The following MYO18B variants were observed in gnomAD, a reference collection of about 807,000 sequenced individuals.
MYO18B encodes unconventional myosin-XVIIIb.
In MYO18B, 204 loss-of-function variants were observed where a neutral mutation model predicts 273.0. That is an observed-to-expected ratio of 0.75 (90% CI 0.67 to 0.84). MYO18B has a LOEUF of 0.84. Among genes scored for constraint, MYO18B ranks in the 40% least tolerant of loss-of-function variants. The pLI is 0.00. For missense variants in MYO18B, 3,212 were observed against 3,287.6 expected, an observed-to-expected ratio of 0.98 and a Z score of 0.56; for synonymous variants, 1,330 against 1,305.7, an observed-to-expected ratio of 1.02 and a Z score of -0.40.
chr22:25,746,957 T>C (rs865904052), intron 1 of MYO18B, among the ~76,000 whole-genome samples: 120 of 152,086 alleles, frequency 7.9e-4, no homozygotes, highest in African/African-American at 2.7e-3. Flanking sequence ...CCGTCTCTAC[T>C]AAAAATGCAA....
At chr22:25,887,308 G>A (rs1238738980) in intron 25 of MYO18B, among the ~76,000 whole-genome samples, 1 of 152,148 alleles carries the variant, frequency 6.6e-6, no homozygotes, top group Non-Finnish European at 1.5e-5. Context: ...CCCCAGGTGT[G>A]TCCTCCAGCA....
chr22:25,755,950 T>C (rs925572614), intron 1 of MYO18B, among the ~76,000 whole-genome samples: 6 of 151,536 alleles, frequency 4.0e-5, no homozygotes, highest in Non-Finnish European at 7.4e-5. Flanking sequence ...CAGGCTGGAG[T>C]GCAGTGGCAC....
In MYO18B at chr22:26,004,875, G is replaced by C. The variant is rs1460467958; in HGVS notation, c.6470+20G>C. On this transcript the variant is annotated intron_variant, in intron 42 of 43. Coordinates refer to ENST00000335473, the MANE Select transcript of MYO18B (RefSeq NM_032608.7). ...CCCCAGGTAAGAGTATCTCCTTGCT[G>C]CCTCTGGATGGCTAATAGCTTGAAG... The C allele has an allele frequency of 6.2e-7, 1 of 1,612,752 alleles. No individual in the cohort carries two copies.
chr22:25,971,235 T>C (rs2093033486), intron 39 of MYO18B, among the ~76,000 whole-genome samples: 1 of 152,236 alleles, frequency 6.6e-6, no homozygotes, highest in Non-Finnish European at 1.5e-5. Flanking sequence ...CGGGCTGTAG[T>C]TGGCCAACTC....
intron 22 of MYO18B, among the ~76,000 whole-genome samples, chr22:25,872,203 G>T (rs1393707262): frequency 6.6e-6 from 1 of 152,178 alleles, no homozygotes; most frequent in East Asian, 1.9e-4. Context: ...TTGAGAAAAG[G>T]CATAGTGCAG....
the MYO18B span, among the ~76,000 whole-genome samples, chr22:26,055,064 G>A: frequency 6.6e-6 from 1 of 152,134 alleles, no homozygotes; most frequent in African/African-American, 2.4e-5. Flanking sequence ...GGCTTCATTA[G>A]TGACTGCCTC....
intron 31 of MYO18B, among the ~76,000 whole-genome samples, chr22:25,907,898 G>A (rs1468623166): frequency 6.6e-6 from 1 of 152,144 alleles, no homozygotes; most frequent in Non-Finnish European, 1.5e-5. Flanking sequence ...GCCAGGTGTG[G>A]TGGCACATGC....
chr22:25,966,602 G>A (rs942009862), intron 39 of MYO18B, among the ~76,000 whole-genome samples: 5 of 152,210 alleles, frequency 3.3e-5, no homozygotes, highest in South Asian at 4.2e-4. Context: ...GACCCAACAC[G>A]CTTATAAACT....
At chr22:26,051,925 C>T in the MYO18B span, among the ~76,000 whole-genome samples, 8 of 152,304 alleles carry the variant, frequency 5.3e-5, no homozygotes, top group East Asian at 1.9e-4. Context: ...AAAATACCAC[C>T]GTAATATGCC....
chr22:25,891,070 C>T (rs937916801), intron 26 of MYO18B, among the ~76,000 whole-genome samples, 195 bp downstream of exon 26: 4 of 152,124 alleles, frequency 2.6e-5, no homozygotes, highest in Non-Finnish European at 5.9e-5. Context: ...TGGATAGTCC[C>T]TGGCTAGAGA....
At chr22:26,046,356 A>C in the MYO18B span, among the ~76,000 whole-genome samples, 2,400 of 152,282 alleles carry the variant, frequency 0.016, 68 homozygotes, top group African/African-American at 0.056. Flanking sequence ...AGGCAATTTC[A>C]CCTTCTAACT....
chr22:25,775,515 T>C (rs2086881971), intron 7 of MYO18B, among the ~76,000 whole-genome samples: 1 of 152,208 alleles, frequency 6.6e-6, no homozygotes, highest in Non-Finnish European at 1.5e-5. Flanking sequence ...TCTTTTCCTT[T>C]TGGTGCCCTC....
chr22:25,921,701 GTTGT>G (rs1193444251), intron 34 of MYO18B, among the ~76,000 whole-genome samples: 11 of 117,484 alleles, frequency 9.4e-5, no homozygotes, highest in African/African-American at 2.3e-4. Context: ...CAGTGTGCCT[GTTGT>G]GTGTGTGTGT....
chr22:25,792,727 G>A (rs1406256136), intron 11 of MYO18B, among the ~76,000 whole-genome samples: 1 of 152,018 alleles, frequency 6.6e-6, no homozygotes. Flanking sequence ...TCTCGACCTC[G>A]TGATCTCTCT....
At chr22:26,037,599 AAC>A in the MYO18B span, among the ~76,000 whole-genome samples, 1 of 152,212 alleles carries the variant, frequency 6.6e-6, no homozygotes, top group Non-Finnish European at 1.5e-5. Flanking sequence ...ATCTGGGCCT[AAC>A]ACAGCACTGA....
the MYO18B span, among the ~76,000 whole-genome samples, chr22:26,062,753 A>C: frequency 6.6e-6 from 1 of 152,180 alleles, no homozygotes; most frequent in East Asian, 1.9e-4. Context: ...CTTGGGTCAG[A>C]ATCCCCCTGC....
chr22:26,003,214 A>C (rs1379979594), intron 40 of MYO18B, 51 bp from the exon 41 acceptor site: 1 of 1,535,842 alleles, frequency 6.5e-7, no homozygotes, highest in Non-Finnish European at 8.9e-7. Flanking sequence ...CCATGCTTCC[A>C]AGCCCCTGGC....
rs745580447 is a variant in MYO18B, at chr22:25,768,101, G to A, written c.199-14G>A. 6.3e-7 allele frequency: 1 copy of A among 1,575,634 alleles called. No homozygotes were observed. Among genetic ancestry groups the A allele is most frequent in the Admixed American group, 1.8e-5 (1 of 55,456 alleles). On this transcript the variant is annotated splice_polypyrimidine_tract_variant and intron_variant, in intron 3 of 43. Coordinates refer to ENST00000335473, the MANE Select transcript of MYO18B (RefSeq NM_032608.7). Reference sequence around the variant, plus strand: ...CAAGCAGCTATGTAGGCATGGTTGTGTTCTTTCTCCCAGATCCCAGAAATT... The same window carrying A: ...CAAGCAGCTATGTAGGCATGGTTGTATTCTTTCTCCCAGATCCCAGAAATT...
At chr22:25,962,538 T>C (rs1186742794) in intron 39 of MYO18B, among the ~76,000 whole-genome samples, 1 of 152,228 alleles carries the variant, frequency 6.6e-6, no homozygotes, top group Non-Finnish European at 1.5e-5. Context: ...TCTTACTATG[T>C]ACCTAGCCCT....
Sources: allele counts gnomAD v4.1 joint callset (sites outside exome capture counted in the v4.1 genomes callset), GRCh38; gene constraint gnomAD v4.1.1; transcripts MANE v1.5; gene names NCBI Gene and HGNC (gene_info 2026-07-23, HGNC 2026-07-21).